The following SGCZ variants were observed in gnomAD, a reference collection of about 807,000 sequenced individuals.
The protein encoded by SGCZ is sarcoglycan zeta, also known as zeta-sarcoglycan.
Under a neutral mutation model 41.3 loss-of-function variants are expected in SGCZ, and 40 were observed. The observed-to-expected ratio is 0.97, with a 90% CI of 0.75 to 1.26. The LOEUF is 1.26. Among genes scored for constraint, SGCZ ranks in the 50% most tolerant of loss-of-function variants. The pLI is 0.00. For synonymous variants in SGCZ, 206 were observed against 137.5 expected (o/e 1.50, Z -3.49); for missense variants, 552 against 369.8 (o/e 1.49, Z -4.04).
intron 2 of SGCZ, among the ~76,000 whole-genome samples, chr8:14,347,528 A>C (rs1203808243): frequency 9.9e-5 from 15 of 151,536 alleles, no homozygotes; most frequent in Admixed American, 9.9e-4. Context: ...GTTTTGTCAT[A>C]AAATTACCAC....
At chr8:14,590,667 C>T (rs1407745603) in intron 1 of SGCZ, among the ~76,000 whole-genome samples, 1 of 149,242 alleles carries the variant, frequency 6.7e-6, no homozygotes, top group Non-Finnish European at 1.5e-5. Context: ...TGTATATTCT[C>T]TTTGTAGATA....
At chr8:15,052,847 C>A (rs769224746) in intron 1 of SGCZ, among the ~76,000 whole-genome samples, 1 of 152,100 alleles carries the variant, frequency 6.6e-6, no homozygotes, top group Non-Finnish European at 1.5e-5. Flanking sequence ...AGGATAATGG[C>A]TTCCACTGAA....
intron 1 of SGCZ, among the ~76,000 whole-genome samples, chr8:14,761,404 A>G (rs1037509919): frequency 6.3e-4 from 96 of 152,164 alleles, no homozygotes; most frequent in African/African-American, 2.2e-3. Flanking sequence ...GGAAAACAAA[A>G]CAATGGAAAA....
At position 14,621,153 on chromosome 8, in the gene SGCZ, C is replaced by T. The variant is rs568160175; in HGVS notation, c.40-66227G>A. On this transcript the variant is annotated intron_variant, in intron 1 of 7. Transcript: ENST00000382080. The stretch of plus-strand genomic sequence containing the variant: ...GTCCTTTGTAGGGACATGGATGAAG[C>T]TGGAAACCATCATTCTCAGCAAACT... Among the ~76,000 whole-genome samples the T allele has an allele frequency of 4.2e-3, 633 of 151,890 alleles. 5 individuals carry two copies. The highest frequency in any genetic ancestry group is 0.015 in the African/African-American group (610 of 41,418).
At chr8:14,830,768 AT>A (rs1802499244) in intron 1 of SGCZ, among the ~76,000 whole-genome samples, 1 of 152,180 alleles carries the variant, frequency 6.6e-6, no homozygotes, top group Non-Finnish European at 1.5e-5. Context: ...ATCAATATAT[AT>A]TTGGTCACAA....
At chr8:14,690,958 A>G (rs1040012972) in intron 1 of SGCZ, among the ~76,000 whole-genome samples, 1 of 152,210 alleles carries the variant, frequency 6.6e-6, no homozygotes, top group African/African-American at 2.4e-5. Flanking sequence ...TTATAAAGTC[A>G]TTATAATCAA....
intron 1 of SGCZ, among the ~76,000 whole-genome samples, chr8:15,061,493 G>T (rs1804927738): frequency 6.7e-6 from 1 of 149,764 alleles, no homozygotes; most frequent in Admixed American, 6.7e-5. Flanking sequence ...TAACAAACCT[G>T]CACGTTCTGC....
intron 1 of SGCZ, among the ~76,000 whole-genome samples, chr8:14,696,600 T>G (rs955311370): frequency 1.3e-5 from 2 of 152,148 alleles, no homozygotes; most frequent in Admixed American, 1.3e-4. Context: ...TGGCCTTTTA[T>G]TTTCAACATT....
At chr8:15,232,258 A>G (rs894998495) in intron 1 of SGCZ, among the ~76,000 whole-genome samples, 2 of 152,204 alleles carry the variant, frequency 1.3e-5, no homozygotes, top group Non-Finnish European at 2.9e-5. Flanking sequence ...TGGATTTATT[A>G]TCTTATAGCA....
intron 1 of SGCZ, among the ~76,000 whole-genome samples, chr8:14,796,302 T>C (rs1364106076): frequency 6.6e-6 from 1 of 152,186 alleles, no homozygotes; most frequent in Non-Finnish European, 1.5e-5. Context: ...TTTTATTTTA[T>C]TGAGAGACAG....
At chr8:14,361,517 T>C (rs1803510936) in intron 2 of SGCZ, among the ~76,000 whole-genome samples, 1 of 152,180 alleles carries the variant, frequency 6.6e-6, no homozygotes, top group Non-Finnish European at 1.5e-5. Context: ...CATACTGTGG[T>C]TTTCAGCTTC....
At chr8:14,113,629 C>G (rs910505500) in intron 5 of SGCZ, among the ~76,000 whole-genome samples, 6 of 151,978 alleles carry the variant, frequency 3.9e-5, no homozygotes, top group African/African-American at 1.4e-4. Context: ...ACTGAGATGT[C>G]CTTTCTTGTT....
At chr8:14,598,317 T>C (rs1201161854) in intron 1 of SGCZ, among the ~76,000 whole-genome samples, 1 of 152,142 alleles carries the variant, frequency 6.6e-6, no homozygotes, top group East Asian at 1.9e-4. Flanking sequence ...AGTTTGCATA[T>C]GTCGTTGTAT....
At chr8:14,753,402 A>G (rs1167915034) in intron 1 of SGCZ, among the ~76,000 whole-genome samples, 1 of 152,212 alleles carries the variant, frequency 6.6e-6, no homozygotes, top group Non-Finnish European at 1.5e-5. Context: ...TATTAACAAC[A>G]ACATAAAAAC....
chr8:14,574,016 T>A (rs1432960697), intron 1 of SGCZ, among the ~76,000 whole-genome samples: 1 of 152,114 alleles, frequency 6.6e-6, no homozygotes, highest in Admixed American at 6.5e-5. Flanking sequence ...TTGAAACTCC[T>A]GGGAGCTATG....
At chr8:15,203,600 G>A (rs1273382097) in intron 1 of SGCZ, among the ~76,000 whole-genome samples, 1 of 152,160 alleles carries the variant, frequency 6.6e-6, no homozygotes, top group Non-Finnish European at 1.5e-5. Context: ...CTTTTAAACA[G>A]ACAAATGTGG....
intron 1 of SGCZ, among the ~76,000 whole-genome samples, chr8:15,004,084 G>C (rs1585461112): frequency 6.6e-6 from 1 of 152,052 alleles, no homozygotes; most frequent in East Asian, 1.9e-4. Flanking sequence ...CAGAGAGGAG[G>C]AGAAATACCT....
intron 1 of SGCZ, among the ~76,000 whole-genome samples, chr8:14,602,698 G>A (rs1047352286): frequency 6.6e-6 from 1 of 152,036 alleles, no homozygotes; most frequent in African/African-American, 2.4e-5. Flanking sequence ...TTCTCTGGCA[G>A]CATTTTATAT....
intron 4 of SGCZ, chr8:14,165,012 G>C: frequency 3.7e-6 from 1 of 269,138 alleles, no homozygotes; most frequent in Non-Finnish European, 7.2e-6. Flanking sequence ...CTCTGTTGCA[G>C]GCTGAAACCT....
Sources: gnomAD v4.1 joint callset for allele counts (sites outside exome capture counted in the v4.1 genomes callset) on GRCh38, gnomAD v4.1.1 for gene constraint, MANE v1.5 for transcripts, NCBI Gene and HGNC (gene_info 2026-07-23, HGNC 2026-07-21) for gene names.